Variants in LRFN2 observed in about 807,000 individuals in gnomAD.
LRFN2 encodes the protein leucine rich repeat and fibronectin type III domain containing 2.
In LRFN2, 18 loss-of-function variants were observed where a neutral mutation model predicts 37.3. The observed-to-expected ratio is 0.48, with a 90% CI of 0.33 to 0.72. LRFN2 has a LOEUF of 0.72. Ranked by LOEUF, LRFN2 falls within the 30% of genes least tolerant of loss-of-function variation. The pLI is 0.02. For synonymous variants in LRFN2, 556 were observed against 466.6 expected (o/e 1.19, Z -2.47); for missense variants, 1,006 against 1,060.7 (o/e 0.95, Z 0.72).
rs558204211 is a variant in LRFN2, at chr6:40,510,468, A to T, written c.-19+76473T>A. Among the ~76,000 whole-genome samples the T allele has an allele frequency of 1.8e-3, 268 of 152,320 alleles. 2 individuals are homozygous for T. The highest frequency in any genetic ancestry group is 6.1e-3 in the African/African-American group (252 of 41,580). On this transcript the variant is annotated intron_variant, in intron 1 of 2. Transcript: ENST00000338305. Reference sequence around the variant, plus strand: ...CAGGAAGCTGAGTCAACTCCCTCACAAAACCCTTTGCTCCCTGTCATTCAA... The same window carrying T: ...CAGGAAGCTGAGTCAACTCCCTCACTAAACCCTTTGCTCCCTGTCATTCAA...
intron 1 of LRFN2, among the ~76,000 whole-genome samples, chr6:40,448,245 T>C (rs1490239936): frequency 6.6e-6 from 1 of 152,138 alleles, no homozygotes; most frequent in Non-Finnish European, 1.5e-5. Flanking sequence ...CAGAGCCAAG[T>C]GCTTGGCTGA....
At chr6:40,453,602 G>A (rs1457428973) in intron 1 of LRFN2, among the ~76,000 whole-genome samples, 2 of 151,228 alleles carry the variant, frequency 1.3e-5, no homozygotes, top group Non-Finnish European at 2.9e-5. Context: ...TCTTTGCGTT[G>A]ACTTTGATAT....
At chr6:40,522,214 G>A (rs1043933555) in intron 1 of LRFN2, among the ~76,000 whole-genome samples, 8 of 152,160 alleles carry the variant, frequency 5.3e-5, no homozygotes, top group African/African-American at 1.4e-4. Context: ...ATGTGGGACC[G>A]AAGGCCTACT....
rs1018556012 is a variant in LRFN2 at position 40,397,394 on chromosome 6, C to A, written c.1401-4482G>T. On this transcript the variant is annotated intron_variant, in intron 2 of 2. Coordinates refer to ENST00000338305, the MANE Select transcript of LRFN2 (RefSeq NM_020737.3). Reference sequence around the variant, plus strand: ...CAGCAGCCTCCAGTCAGGCTCTCTGCCACAAATTTTGCTCCCTGAAAGTGC... The same window carrying A: ...CAGCAGCCTCCAGTCAGGCTCTCTGACACAAATTTTGCTCCCTGAAAGTGC... Among the ~76,000 whole-genome samples, 5 of 152,200 alleles carry A rather than the reference C, an allele frequency of 3.3e-5. No homozygotes were observed. In the East Asian group the frequency reaches 5.8e-4, roughly 18 times the overall value.
rs1169647910 is a variant in LRFN2 at position 40,392,627 on chromosome 6, G to A, written c.1686C>T (p.His562=). The change falls in exon 3 of 3, where the codon CAC becomes CAT. Residue 562 remains histidine, a synonymous_variant. Coordinates refer to ENST00000338305, the MANE Select transcript of LRFN2 (RefSeq NM_020737.3). The surrounding 1 kb of genome is among the most constrained non-coding windows in gnomAD (Gnocchi z 4.7). ...CCGCTGCCATCTTGCTGGGGGCCTC[G>A]TGGTTGCAGACCTTGTAGCGCACCA... is the stretch of plus-strand genomic sequence containing the variant. ...ILMVRYKVCN[H]EAPSKMAAAV... is the part of the protein sequence containing the mutation. 8 of 1,611,424 alleles carry A rather than the reference G, an allele frequency of 5.0e-6. No individual in the cohort carries two copies. Among genetic ancestry groups the A allele is most frequent in the African/African-American group, 2.7e-5 (2 of 74,956 alleles).
Position 40,479,713 on chromosome 6 carries a change from T to C in LRFN2, c.-18-46582A>G, listed in dbSNP as rs1764784019. The stretch of plus-strand genomic sequence containing the variant: ...AATCCAGCCAAGTTCGTGGCAGGAC[T>C]GGCTTGGGGCTCAGGGCCGCTGGCT... On this transcript the variant is annotated intron_variant, in intron 1 of 2. Transcript: ENST00000338305. Among the ~76,000 whole-genome samples, 4 of 152,166 alleles carry C rather than the reference T, an allele frequency of 2.6e-5. No individual in the cohort carries two copies. In the South Asian group the frequency reaches 8.3e-4, roughly 32 times the overall value.
chr6:40,584,396 C>T (rs967327608), intron 1 of LRFN2, among the ~76,000 whole-genome samples: 2 of 152,202 alleles, frequency 1.3e-5, no homozygotes, highest in Admixed American at 6.5e-5. Context: ...CCAGGCCACC[C>T]AAGTTGAGGT....
intron 1 of LRFN2, among the ~76,000 whole-genome samples, chr6:40,516,041 G>T (rs1437057322): frequency 6.6e-6 from 1 of 152,132 alleles, no homozygotes; most frequent in African/African-American, 2.4e-5. Context: ...CCAGGGATAG[G>T]TGGCTTGAAA....
chr6:40,394,608 TG>T (rs958859085), intron 2 of LRFN2, among the ~76,000 whole-genome samples: 10 of 152,184 alleles, frequency 6.6e-5, no homozygotes, highest in Non-Finnish European at 1.3e-4. Flanking sequence ...GCTCTTTTGC[TG>T]GGGAAGCCAC....
chr6:40,526,202 G>A (rs1011674398), intron 1 of LRFN2, among the ~76,000 whole-genome samples: 2 of 152,190 alleles, frequency 1.3e-5, no homozygotes, highest in African/African-American at 4.8e-5. Context: ...TAGCAGAACC[G>A]GGGTTGAATC....
intron 1 of LRFN2, among the ~76,000 whole-genome samples, chr6:40,537,933 G>A (rs1766481682): frequency 6.6e-6 from 1 of 152,060 alleles, no homozygotes; most frequent in South Asian, 2.1e-4. Context: ...GGGAACATGG[G>A]AAATGAGGAG....
chr6:40,415,502 A>ATT (rs1412777607), intron 2 of LRFN2, among the ~76,000 whole-genome samples: 1 of 152,180 alleles, frequency 6.6e-6, no homozygotes, highest in African/African-American at 2.4e-5. Context: ...CTGGGATTAC[A>ATT]GGCATGAGCC....
At chr6:40,521,389 A>T (rs372445395) in intron 1 of LRFN2, among the ~76,000 whole-genome samples, 1 of 152,126 alleles carries the variant, frequency 6.6e-6, no homozygotes, top group South Asian at 2.1e-4. Flanking sequence ...AGCCAGAGAG[A>T]GGGGGCTTCT....
intron 2 of LRFN2, among the ~76,000 whole-genome samples, chr6:40,425,577 T>C (rs1197929860): frequency 6.6e-6 from 1 of 152,202 alleles, no homozygotes. Flanking sequence ...CTACCCCTCA[T>C]TGACTTCTCT....
At chr6:40,401,185 A>G (rs1762731919) in intron 2 of LRFN2, among the ~76,000 whole-genome samples, 1 of 152,032 alleles carries the variant, frequency 6.6e-6, no homozygotes, top group Non-Finnish European at 1.5e-5. Flanking sequence ...GCCTCCAGGA[A>G]GAGCCTGTGG....
At chr6:40,551,608 G>A (rs73732709) in intron 1 of LRFN2, among the ~76,000 whole-genome samples, 3,525 of 152,312 alleles carry the variant, frequency 0.023, 161 homozygotes, top group African/African-American at 0.079. Context: ...GCAGGGAGTA[G>A]ATAGTGATTG....
intron 1 of LRFN2, among the ~76,000 whole-genome samples, chr6:40,462,146 A>T (rs1310412691): frequency 6.6e-6 from 1 of 152,194 alleles, no homozygotes; most frequent in Non-Finnish European, 1.5e-5. Flanking sequence ...CCAATAAATG[A>T]TTTCATTTGC....
rs572823570 is a variant in LRFN2, at chr6:40,571,563, C to T, written c.-19+15378G>A. ...GAAACCCAGAGTCCTCCCAAAGTAG[C>T]GGAACCTCGAGATTCCAGGTGGCGC... On this transcript the variant is annotated intron_variant, in intron 1 of 2. Coordinates refer to ENST00000338305, the MANE Select transcript of LRFN2 (RefSeq NM_020737.3). Among the ~76,000 whole-genome samples the T allele has an allele frequency of 7.2e-5, 11 of 152,256 alleles. No individual in the cohort carries two copies. The South Asian group carries it at 1.5e-3, about 20-fold the overall frequency.
intron 1 of LRFN2, among the ~76,000 whole-genome samples, chr6:40,573,447 A>G (rs1405881978): frequency 6.6e-6 from 1 of 152,194 alleles, no homozygotes; most frequent in African/African-American, 2.4e-5. Flanking sequence ...TAATTTGCCT[A>G]AGTGACAGCG....
Sources: gnomAD v4.1 joint callset for allele counts (sites outside exome capture counted in the v4.1 genomes callset) on GRCh38, gnomAD v4.1.1 for gene constraint, Gnocchi (gnomAD v3.1) non-coding constraint, MANE v1.5 for transcripts, NCBI Gene and HGNC (gene_info 2026-07-23, HGNC 2026-07-21) for gene names.